The following PEAK1 variants were observed in gnomAD, a reference collection of about 807,000 sequenced individuals.
The protein encoded by PEAK1 is inactive tyrosine-protein kinase PEAK1.
A neutral mutation model predicts 124.7 loss-of-function variants in PEAK1; 54 were observed. That is an observed-to-expected ratio of 0.43 (90% CI 0.35 to 0.54). The LOEUF is 0.54. Among genes scored for constraint, PEAK1 ranks in the 20% least tolerant of loss-of-function variants. The pLI is 0.01. For missense variants in PEAK1, 2,046 were observed against 2,134.5 expected, an observed-to-expected ratio of 0.96 and a Z score of 0.82; for synonymous variants, 719 against 760.0, an observed-to-expected ratio of 0.95 and a Z score of 0.89.
At chr15:77,372,865 C>CCT (rs144774435) in intron 1 of PEAK1, among the ~76,000 whole-genome samples, 30,807 of 150,162 alleles carry the variant, frequency 0.21, 3,803 homozygotes, top group Middle Eastern at 0.29. Flanking sequence ...GCACCTTCCT[C>CCT]CTCTCTCTCT....
At chr15:77,189,435 C>T (rs1426864234) in intron 6 of PEAK1, among the ~76,000 whole-genome samples, 1 of 141,524 alleles carries the variant, frequency 7.1e-6, no homozygotes, top group African/African-American at 2.5e-5. Flanking sequence ...GAAAGACAGT[C>T]CACACAGCAG....
chr15:77,419,496 G>A, intron 1 of PEAK1: 1 of 985,232 alleles, frequency 1.0e-6, no homozygotes, highest in Non-Finnish European at 1.2e-6. Flanking sequence ...CAGGCAGGGA[G>A]CCACCCGGCT....
At chr15:77,124,848 C>T (rs2052237254) in intron 9 of PEAK1, among the ~76,000 whole-genome samples, 1 of 152,208 alleles carries the variant, frequency 6.6e-6, no homozygotes, top group Non-Finnish European at 1.5e-5. Context: ...CAATGTACTG[C>T]ATTTACCACA....
chr15:77,137,656 G>A (rs1178067186), intron 8 of PEAK1, among the ~76,000 whole-genome samples: 7 of 152,340 alleles, frequency 4.6e-5, no homozygotes, highest in Admixed American at 4.6e-4. Flanking sequence ...TATCTAGGAA[G>A]TAATTAACTT....
chr15:77,278,667 A>C lies in PEAK1; in HGVS notation c.-275+5216T>G, dbSNP rs1390476642. On this transcript the variant is annotated intron_variant, in intron 5 of 9. Transcript: ENST00000682557. ...GCTGACACTGGCAAGGAGGGGAATA[A>C]GCCTGCAGAAAATGGAGATGCCAAA... The C allele has an allele frequency of 5.7e-6, 3 of 522,562 alleles. No homozygotes were observed. In the Admixed American group the frequency reaches 5.8e-5, roughly 10 times the overall value. 32.4% of individuals were successfully genotyped at this position (522,562 alleles called of 1,614,324 possible). A position where few individuals can be genotyped will look rare whatever the true frequency, so the allele number is the denominator to read the frequency against.
chr15:77,294,325 A>G (rs1177878115), intron 2 of PEAK1, among the ~76,000 whole-genome samples: 1 of 152,198 alleles, frequency 6.6e-6, no homozygotes, highest in Non-Finnish European at 1.5e-5. Context: ...TTTTATTTAA[A>G]TAATATAAAA....
At chr15:77,371,215 A>G (rs2068617175) in intron 1 of PEAK1, 1 of 984,262 alleles carries the variant, frequency 1.0e-6, no homozygotes, top group Non-Finnish European at 1.2e-6. Context: ...TATGGATAGC[A>G]ACCTTTCACA....
At chr15:77,226,066 T>TATATATATA (rs1567137687) in intron 6 of PEAK1, among the ~76,000 whole-genome samples, 2 of 135,364 alleles carry the variant, frequency 1.5e-5, no homozygotes, top group Non-Finnish European at 3.2e-5. Context: ...TATATATATA[T>TATATATATA]ATATATATAT....
At chr15:77,232,211 C>T (rs1310079709) in intron 6 of PEAK1, among the ~76,000 whole-genome samples, 1 of 152,068 alleles carries the variant, frequency 6.6e-6, no homozygotes, top group Non-Finnish European at 1.5e-5. Context: ...TTCCATTTTG[C>T]AAACACTCTC....
At chr15:77,183,663 G>C (rs984428396) in intron 6 of PEAK1, among the ~76,000 whole-genome samples, 2 of 151,682 alleles carry the variant, frequency 1.3e-5, no homozygotes, top group South Asian at 2.1e-4. Flanking sequence ...AATGACAAGA[G>C]AATGAAGACA....
At chr15:77,409,506 G>GA (rs1339304688) in intron 1 of PEAK1, among the ~76,000 whole-genome samples, 1 of 152,124 alleles carries the variant, frequency 6.6e-6, no homozygotes, top group African/African-American at 2.4e-5. Flanking sequence ...CTTACTCTCA[G>GA]AAAGTAACAT....
intron 9 of PEAK1, among the ~76,000 whole-genome samples, chr15:77,129,601 A>ATT (rs11411981): frequency 0.027 from 3,724 of 139,572 alleles, 159 homozygotes; most frequent in African/African-American, 0.086. Context: ...ATGACTGGCT[A>ATT]TTTTTTTTTT....
At chr15:77,263,504 GAATA>G (rs2061550974) in intron 5 of PEAK1, among the ~76,000 whole-genome samples, 1 of 152,032 alleles carries the variant, frequency 6.6e-6, no homozygotes, top group African/African-American at 2.4e-5. Flanking sequence ...AGAAAATCTA[GAATA>G]AATGGATAAA....
At chr15:77,379,238 G>A (rs1308444513) in intron 1 of PEAK1, among the ~76,000 whole-genome samples, 1 of 152,166 alleles carries the variant, frequency 6.6e-6, no homozygotes, top group East Asian at 1.9e-4. Flanking sequence ...ATCTGGGGAT[G>A]TCCACAGCAA....
At chr15:77,294,619 C>A (rs2063390352) in intron 2 of PEAK1, among the ~76,000 whole-genome samples, 1 of 152,120 alleles carries the variant, frequency 6.6e-6, no homozygotes, top group African/African-American at 2.4e-5. Context: ...GCGATAAACA[C>A]ATGCATTATA....
intron 5 of PEAK1, among the ~76,000 whole-genome samples, chr15:77,282,792 T>C (rs1229010606): frequency 6.6e-6 from 1 of 152,196 alleles, no homozygotes; most frequent in Non-Finnish European, 1.5e-5. Context: ...AGGTAAAATT[T>C]AATGAAACTG....
Position 77,313,684 on chromosome 15 carries a change from G to A in PEAK1, c.-602-27180C>T, listed in dbSNP as rs1482386578. On this transcript the variant is annotated intron_variant, in intron 2 of 9. Transcript: ENST00000682557. The stretch of plus-strand genomic sequence containing the variant: ...TGTGTGTGTGTGTGTGTGTGTGTGT[G>A]TGTGTGTGTATATATATATATGTAT... 3.3e-3 allele frequency among the ~76,000 whole-genome samples: 389 copies of A among 119,664 alleles called. 10 individuals carry two copies. Among genetic ancestry groups the A allele is most frequent in the African/African-American group, 0.014 (364 of 25,766 alleles). The allele number at this position is 119,664 out of a possible 152,430, so 78.5% of individuals were successfully genotyped here.
At chr15:77,240,506 G>A (rs1168996627) in intron 6 of PEAK1, among the ~76,000 whole-genome samples, 3 of 151,818 alleles carry the variant, frequency 2.0e-5, no homozygotes, top group Non-Finnish European at 4.4e-5. Flanking sequence ...TTTAGTCTCA[G>A]CTACTTGGGA....
At chr15:77,355,854 C>T in intron 2 of PEAK1, 1 of 985,178 alleles carries the variant, frequency 1.0e-6, no homozygotes, top group Non-Finnish European at 1.2e-6. Context: ...GAATATCAGC[C>T]CTGGAAAAGT....
Sources: gnomAD v4.1 joint callset for allele counts (sites outside exome capture counted in the v4.1 genomes callset) on GRCh38, gnomAD v4.1.1 for gene constraint, MANE v1.5 for transcripts, NCBI Gene and HGNC (gene_info 2026-07-23, HGNC 2026-07-21) for gene names.